KCNMA1: variants seen among roughly 807,000 people sequenced by gnomAD.
KCNMA1 encodes the protein Calcium-activated potassium channel subunit alpha-1.
In KCNMA1, 29 loss-of-function variants were observed where a neutral mutation model predicts 140.0. The observed-to-expected ratio is 0.21, with a 90% confidence interval of 0.15 to 0.28. The LOEUF is 0.28. KCNMA1 is among the 10% of genes least tolerant of loss of function. The pLI is 1.00. For synonymous variants in KCNMA1, 612 were observed against 611.9 expected (o/e 1.00, Z 0.00); for missense variants, 880 against 1,602.2 (o/e 0.55, Z 7.70).
intron 19 of KCNMA1, among the ~76,000 whole-genome samples, chr10:76,993,089 C>T (rs1412887623): frequency 3.3e-5 from 5 of 152,214 alleles, no homozygotes; most frequent in East Asian, 1.9e-4. Flanking sequence ...AGAGCCTCAG[C>T]GCTGGCCAGC....
intron 1 of KCNMA1, among the ~76,000 whole-genome samples, chr10:77,557,813 C>T (rs2065075678): frequency 6.6e-6 from 1 of 152,034 alleles, no homozygotes; most frequent in African/African-American, 2.4e-5. Context: ...CCATACCTGG[C>T]TAATTTTTGT....
At chr10:77,069,451 A>C (rs933014819) in intron 14 of KCNMA1, among the ~76,000 whole-genome samples, 15 of 152,318 alleles carry the variant, frequency 9.8e-5, no homozygotes, top group Admixed American at 3.3e-4. Context: ...AATTAGCATA[A>C]GATTTGTTAA....
At chr10:77,136,156 C>T (rs1394196914) in intron 5 of KCNMA1, among the ~76,000 whole-genome samples, 2 of 152,014 alleles carry the variant, frequency 1.3e-5, no homozygotes, top group Non-Finnish European at 2.9e-5. Context: ...GGAATATAGC[C>T]TAAGAAAATA....
At chr10:77,622,780 TG>T (rs1167449346) in intron 1 of KCNMA1, among the ~76,000 whole-genome samples, 11 of 152,328 alleles carry the variant, frequency 7.2e-5, no homozygotes, top group African/African-American at 2.4e-4. Flanking sequence ...AAGTTTGTTC[TG>T]ATTTTTTTTC....
At chr10:77,209,166 A>G (rs1241431782) in intron 3 of KCNMA1, among the ~76,000 whole-genome samples, 1 of 152,152 alleles carries the variant, frequency 6.6e-6, no homozygotes, top group East Asian at 1.9e-4. Flanking sequence ...GAGTGAACTC[A>G]GCCTAGGGGA....
At chr10:77,570,322 G>C (rs1246315856) in intron 1 of KCNMA1, among the ~76,000 whole-genome samples, 1 of 142,162 alleles carries the variant, frequency 7.0e-6, no homozygotes, top group Non-Finnish European at 1.5e-5. Flanking sequence ...CAATAGCAAA[G>C]ACTTGGAACC....
chr10:77,414,217 T>C (rs996939099), intron 1 of KCNMA1, among the ~76,000 whole-genome samples: 2 of 152,184 alleles, frequency 1.3e-5, no homozygotes, highest in Admixed American at 6.5e-5. Context: ...TTAAGTCCCT[T>C]ACTTTGCACG....
chr10:77,159,213 C>T (rs1383937482), intron 5 of KCNMA1, among the ~76,000 whole-genome samples: 2 of 152,110 alleles, frequency 1.3e-5, no homozygotes, highest in Non-Finnish European at 2.9e-5. Flanking sequence ...TTTTCCTAAG[C>T]CCCCAGAATG....
At chr10:76,916,079 CAATAT>C (rs900010453) in intron 23 of KCNMA1, among the ~76,000 whole-genome samples, 1 of 151,996 alleles carries the variant, frequency 6.6e-6, no homozygotes, top group Non-Finnish European at 1.5e-5. Flanking sequence ...TACATACACA[CAATAT>C]AATAAGATGT....
intron 19 of KCNMA1, chr10:76,995,819 C>T (rs537974159): frequency 1.9e-4 from 73 of 391,022 alleles, no homozygotes; most frequent in Admixed American, 2.6e-4. Flanking sequence ...CTTAAAGAGC[C>T]GAGTCATTTA....
At chr10:77,096,564 C>T (rs902573906) in intron 9 of KCNMA1, among the ~76,000 whole-genome samples, 1 of 152,114 alleles carries the variant, frequency 6.6e-6, no homozygotes, top group African/African-American at 2.4e-5. Flanking sequence ...GAGCCTCGCT[C>T]TAGGAAGACA....
intron 5 of KCNMA1, among the ~76,000 whole-genome samples, chr10:77,137,540 A>C (rs1270311560): frequency 6.6e-6 from 1 of 152,116 alleles, no homozygotes; most frequent in African/African-American, 2.4e-5. Flanking sequence ...CTGCCATCAC[A>C]GGTCCCACCT....
rs45459294 is a variant in KCNMA1, at chr10:77,108,446, G to T, written c.1223+35C>A. On this transcript the variant is annotated intron_variant, in intron 9 of 27. Transcript: ENST00000286628. The surrounding 1 kb of genome is among the most constrained non-coding windows in gnomAD (Gnocchi z 4.6). ...AATGGCATGCAGAGAGGATTCTACC[G>T]CAGCAGAGGCAGCAAAACCTCTTGG... The T allele has an allele frequency of 6.2e-6, 10 of 1,601,050 alleles. No individual in the cohort carries two copies. Among genetic ancestry groups the T allele is most frequent in the African/African-American group, 1.3e-5 (1 of 74,492 alleles).
chr10:77,501,466 G>C (rs2043852100), intron 1 of KCNMA1, among the ~76,000 whole-genome samples: 1 of 152,206 alleles, frequency 6.6e-6, no homozygotes, highest in Non-Finnish European at 1.5e-5. Flanking sequence ...CCTCATGGCT[G>C]ATCACTGCTG....
intron 2 of KCNMA1, among the ~76,000 whole-genome samples, chr10:77,305,305 A>G (rs768948383): frequency 6.6e-6 from 1 of 152,224 alleles, no homozygotes; most frequent in Non-Finnish European, 1.5e-5. Context: ...TTTATGAACT[A>G]TAACTCATTT....
At chr10:77,259,470 A>G (rs751671652) in intron 2 of KCNMA1, among the ~76,000 whole-genome samples, 11 of 151,978 alleles carry the variant, frequency 7.2e-5, no homozygotes, top group African/African-American at 2.7e-4. Flanking sequence ...ATCACCTCAA[A>G]TGTCCTCCAT....
At chr10:76,964,697 C>CT (rs979744664) in intron 20 of KCNMA1, among the ~76,000 whole-genome samples, 12 of 152,298 alleles carry the variant, frequency 7.9e-5, no homozygotes, top group South Asian at 2.1e-4. Flanking sequence ...ATCTTTCATG[C>CT]TAGCAGGCTC....
chr10:77,028,023 C>T, intron 15 of KCNMA1, 132 bp from the exon 16 acceptor site: 1 of 817,904 alleles, frequency 1.2e-6, no homozygotes. Flanking sequence ...CGGCACTGTG[C>T]CAAAGGGAGG....
chr10:76,875,837 A>G (rs903398448), downstream of KCNMA1: 6 of 152,654 alleles, frequency 3.9e-5, no homozygotes, highest in South Asian at 2.1e-4. Context: ...GGAAACCAAG[A>G]AATGTTTATA....
Sources: allele counts gnomAD v4.1 joint callset (sites outside exome capture counted in the v4.1 genomes callset), GRCh38; gene constraint gnomAD v4.1.1; non-coding constraint Gnocchi (gnomAD v3.1); transcripts MANE v1.5; gene names NCBI Gene and HGNC (gene_info 2026-07-23, HGNC 2026-07-21).